Variants in LDHA observed in about 807,000 individuals in gnomAD.
The protein encoded by LDHA is L-lactate dehydrogenase A chain.
LDHA carries 10 observed loss-of-function variants against 36.3 expected under a neutral mutation model. The observed-to-expected ratio is 0.28, with a 90% CI of 0.17 to 0.47. LDHA has a LOEUF of 0.47. Among genes scored for constraint, LDHA ranks in the 20% least tolerant of loss-of-function variants. The pLI, the probability that LDHA is intolerant of heterozygous loss-of-function variation, is 0.99. For synonymous variants in LDHA, 110 were observed against 136.7 expected (o/e 0.80, Z 1.36); for missense variants, 267 against 405.8 (o/e 0.66, Z 2.94).
Position 18,396,385 on chromosome 11 carries a change from C to A in LDHA, c.-24-434C>A. 4 of 402,520 alleles carry A rather than the reference C, an allele frequency of 9.9e-6. No individual in the cohort carries two copies. In the Admixed American group the frequency reaches 1.3e-4, roughly 13 times the overall value. 24.9% of individuals were successfully genotyped at this position (402,520 alleles called of 1,614,324 possible). A position where few individuals can be genotyped will look rare whatever the true frequency, so the allele number is the denominator to read the frequency against. On this transcript the variant is annotated intron_variant, in intron 1 of 7. Coordinates refer to ENST00000422447, the MANE Select transcript of LDHA (RefSeq NM_005566.4). ...GCATGCGCGCGGATCACCGCAGGCT[C>A]CTGTGCCTTGGGCTTGAGCTTTGTG... is the stretch of plus-strand genomic sequence containing the variant.
In LDHA at chr11:18,405,533, G is replaced by A; in HGVS notation, c.795G>A (p.Lys265=). The change falls in exon 7 of 8, where the codon AAG becomes AAA. Residue 265 remains lysine (K), a synonymous_variant. Coordinates refer to ENST00000422447, the MANE Select transcript of LDHA (RefSeq NM_005566.4). ...CAGATTTGGCAGAGAGTATAATGAA[G>A]AATCTTAGGCGGGTGCACCCAGTTT... ...SVADLAESIM[K]NLRRVHPVST... 6.2e-7 allele frequency: 1 copy of A among 1,614,064 alleles called. No individual in the cohort carries two copies. Among genetic ancestry groups the A allele is most frequent in the Non-Finnish European group, 8.5e-7 (1 of 1,179,956 alleles).
rs1349133655 is a variant in LDHA at position 18,405,932 on chromosome 11, T to C, written c.834+360T>C. 1.2e-5 allele frequency: 3 copies of C among 258,990 alleles called. No homozygotes were observed. In the Admixed American group the frequency reaches 1.6e-4, roughly 13 times the overall value. The allele number at this position is 258,990 out of a possible 1,614,324, so 16.0% of individuals were successfully genotyped here. A position where few individuals can be genotyped will look rare whatever the true frequency, so the allele number is the denominator to read the frequency against. On this transcript the variant is annotated intron_variant, in intron 7 of 7. Coordinates refer to ENST00000422447, the MANE Select transcript of LDHA (RefSeq NM_005566.4). ...ACTTTCTTTTATACTATTAATTAAA[T>C]CATAACTGAACACCTGGAAAGGAAT...
chr11:18,396,894 AC>A lies in LDHA; in HGVS notation c.58del (p.Gln20ArgfsTer21). 6.2e-7 allele frequency: 1 copy of A among 1,613,444 alleles called. No individual in the cohort carries two copies. ...TTATAATCTTCTAAAGGAAGAACAG[AC>A]CCCCCAGAATAAGATTACAGTTGTT... ...LIYNLLKEEQ[T>X]PQNKITVVGV... is the part of the protein sequence containing the mutation. On this transcript the variant is annotated frameshift_variant, in exon 2 of 8. Transcript: ENST00000422447. LOFTEE classifies it high-confidence loss of function.
At position 18,394,574 on chromosome 11, in the gene LDHA, G is replaced by A. The variant is rs1234486084; in HGVS notation, c.-87G>A. The A allele has an allele frequency of 2.2e-6, 1 of 454,102 alleles. No homozygotes were observed. Among genetic ancestry groups the A allele is most frequent in the Non-Finnish European group, 4.4e-6 (1 of 226,794 alleles). 28.1% of individuals were successfully genotyped at this position (454,102 alleles called of 1,614,324 possible). A position where few individuals can be genotyped will look rare whatever the true frequency, so the allele number is the denominator to read the frequency against. On this transcript the variant is annotated 5_prime_UTR_variant, in exon 1 of 8. Coordinates refer to ENST00000422447, the MANE Select transcript of LDHA (RefSeq NM_005566.4). ...GCGCCCAGCTCAGAGTGCTGCAGCC[G>A]CTGCCGCCGATTCCGGATCTCATTG... is the stretch of plus-strand genomic sequence containing the variant.
chr11:18,397,442 T>C (rs1403225469), intron 2 of LDHA: 1 of 154,426 alleles, frequency 6.5e-6, no homozygotes. Flanking sequence ...AAAAAAGAAA[T>C]TGTGAGTAAA....
At chr11:18,401,960 T>C (rs1450117354) in intron 4 of LDHA, among the ~76,000 whole-genome samples, 20 of 120,308 alleles carry the variant, frequency 1.7e-4, no homozygotes, top group Non-Finnish European at 2.3e-4. Context: ...ATTCTCTTTT[T>C]TTTTTTTTTT....
intron 5 of LDHA, 90 bp downstream of exon 5, chr11:18,403,103 A>G (rs1335690662): frequency 3.8e-5 from 40 of 1,066,606 alleles, no homozygotes; most frequent in Non-Finnish European, 4.8e-5. Context: ...CTAATCAAAT[A>G]TCCATTCAGT....
intron 1 of LDHA, 87 bp from the exon 2 acceptor site, chr11:18,396,732 C>T: frequency 2.8e-6 from 4 of 1,409,156 alleles, no homozygotes; most frequent in South Asian, 1.4e-5. Flanking sequence ...CAAATACCCC[C>T]AAAGGAAGTA....
chr11:18,405,662 C>A, intron 7 of LDHA, 90 bp downstream of exon 7: 2 of 1,363,878 alleles, frequency 1.5e-6, no homozygotes, highest in Non-Finnish European at 2.1e-6. Context: ...ACAAGTCTTC[C>A]ATTACTGACT....
intron 3 of LDHA, 70 bp from the exon 4 acceptor site, chr11:18,400,767 C>T: frequency 8.1e-7 from 1 of 1,234,556 alleles, no homozygotes; most frequent in Non-Finnish European, 1.2e-6. Context: ...ATTTATGGAA[C>T]AAATTTTTGC....
intron 1 of LDHA, chr11:18,395,187 A>G (rs753600314): frequency 1.2e-5 from 2 of 162,754 alleles, no homozygotes; most frequent in Non-Finnish European, 2.7e-5. Flanking sequence ...ATTTATTAAG[A>G]AGCTACTGGT....
chr11:18,402,737 T>C, intron 4 of LDHA, 103 bp from the exon 5 acceptor site: 2 of 880,374 alleles, frequency 2.3e-6, no homozygotes, highest in South Asian at 2.7e-5. Context: ...TATTATCTAA[T>C]GATCACCTAG....
At position 18,405,515 on chromosome 11, in the gene LDHA, G is replaced by A. The variant is rs137996815; in HGVS notation, c.777G>A (p.Leu259=). 4.5e-4 allele frequency: 728 copies of A among 1,613,520 alleles called. 9 individuals carry two copies. In the Middle Eastern group the frequency reaches 7.0e-3, roughly 15 times the overall value. The change falls in exon 7 of 8, where the codon TTG becomes TTA. Residue 259 remains leucine, a synonymous_variant. Coordinates refer to ENST00000422447, the MANE Select transcript of LDHA (RefSeq NM_005566.4). ...SWAIGLSVAD[L]AESIMKNLRR... is the part of the protein sequence containing the mutation. ...CTATTGGACTCTCTGTAGCAGATTT[G>A]GCAGAGAGTATAATGAAGAATCTTA...
At chr11:18,394,939 A>T (rs1866240237) in intron 1 of LDHA, 2 of 345,910 alleles carry the variant, frequency 5.8e-6, no homozygotes, top group Non-Finnish European at 1.2e-5. Flanking sequence ...GAACAAGGAT[A>T]TGATAGGCCT....
At chr11:18,394,791 G>C (rs1159128394) in intron 1 of LDHA, 155 bp downstream of exon 1, 3 of 384,756 alleles carry the variant, frequency 7.8e-6, no homozygotes, top group Non-Finnish European at 1.6e-5. Flanking sequence ...ACGTCTGGGC[G>C]GCGGCCCACA....
At chr11:18,404,680 C>T (rs1217751201) in intron 6 of LDHA, among the ~76,000 whole-genome samples, 4 of 151,674 alleles carry the variant, frequency 2.6e-5, no homozygotes, top group African/African-American at 4.8e-5. Flanking sequence ...TGGTGGCAGG[C>T]GCCTGTAGTC....
chr11:18,407,344 G>T lies in LDHA; in HGVS notation c.*63G>T, dbSNP rs1866728506. 1.2e-6 allele frequency: 2 copies of T among 1,611,654 alleles called. No homozygotes were observed. Among genetic ancestry groups the T allele is most frequent in the Middle Eastern group, 2.2e-4 (1 of 4,502 alleles). On this transcript the variant is annotated 3_prime_UTR_variant, in exon 8 of 8. Coordinates refer to ENST00000422447, the MANE Select transcript of LDHA (RefSeq NM_005566.4). The stretch of plus-strand genomic sequence containing the variant: ...CAACAGGATTCTAGGTGGAGGTTGT[G>T]CATGTTGTCCTTTTTATCTGATCTG...
At position 18,404,818 on chromosome 11, in the gene LDHA, G is replaced by A. The variant is rs369572326; in HGVS notation, c.711-631G>A. ...GCGAGACTCCGTCTCAAAAAAAAAA[G>A]AATCATAATCTTTAGTTCATAACAT... On this transcript the variant is annotated intron_variant, in intron 6 of 7. Transcript: ENST00000422447. Among the ~76,000 whole-genome samples the A allele has an allele frequency of 5.7e-3, 450 of 78,948 alleles. 5 individuals are homozygous for A. The highest frequency in any genetic ancestry group is 6.9e-3 in the Middle Eastern group (1 of 144). 51.8% of individuals were successfully genotyped at this position (78,948 alleles called of 152,430 possible).
intron 5 of LDHA, among the ~76,000 whole-genome samples, chr11:18,403,349 G>A (rs1866567773): frequency 6.6e-6 from 1 of 152,068 alleles, no homozygotes; most frequent in Admixed American, 6.6e-5. Context: ...AAATCCAAAT[G>A]CACAAAAGTT....
Sources: gnomAD v4.1 joint callset for allele counts (sites outside exome capture counted in the v4.1 genomes callset) on GRCh38, gnomAD v4.1.1 for gene constraint, MANE v1.5 for transcripts, NCBI Gene and HGNC (gene_info 2026-07-23, HGNC 2026-07-21) for gene names.